MAX: variants seen among roughly 807,000 people sequenced by gnomAD.
The protein encoded by MAX is protein max.
In MAX, 3 loss-of-function variants were observed where a neutral mutation model predicts 22.3. The observed-to-expected ratio is 0.13, with a 90% CI of 0.06 to 0.35. The LOEUF (loss-of-function observed/expected upper bound fraction) is 0.35, where lower values mean the gene tolerates loss of function less well. Among genes scored for constraint, MAX ranks in the 10% least tolerant of loss-of-function variants. The pLI, the probability that MAX is intolerant of heterozygous loss-of-function variation, is 1.00. For missense variants in MAX, 119 were observed against 209.4 expected (o/e 0.57, Z 2.66); for synonymous variants, 72 against 77.7 (o/e 0.93, Z 0.39).
chr14:65,091,241 T>C (rs2063500556), intron 3 of MAX, among the ~76,000 whole-genome samples: 1 of 152,226 alleles, frequency 6.6e-6, no homozygotes, highest in Non-Finnish European at 1.5e-5. Flanking sequence ...TAGTGAGAAC[T>C]GATAAGTCTA....
chr14:65,043,728 A>G (rs937572943), intron 3 of MAX, among the ~76,000 whole-genome samples: 2 of 146,750 alleles, frequency 1.4e-5, no homozygotes, highest in African/African-American at 5.0e-5. Context: ...AGGCTGAGGC[A>G]GGAGAATGGC....
exon 4 of MAX, chr14:65,006,280 G>A: frequency 6.2e-7 from 1 of 1,609,052 alleles, no homozygotes; most frequent in Non-Finnish European, 8.5e-7. Flanking sequence ...CTTCATCTTT[G>A]TTCCCTGGGG....
chr14:65,019,200 T>C (rs2061841309), intron 3 of MAX, among the ~76,000 whole-genome samples: 1 of 151,274 alleles, frequency 6.6e-6, no homozygotes. Flanking sequence ...AAAGAAGAAC[T>C]TTCTGGCTGG....
At chr14:65,065,096 T>C (rs774415298) in intron 3 of MAX, among the ~76,000 whole-genome samples, 5 of 151,654 alleles carry the variant, frequency 3.3e-5, no homozygotes, top group Non-Finnish European at 5.9e-5. Flanking sequence ...GCATGTGACC[T>C]AAAATAGTCT....
chr14:65,068,694 C>T (rs952086870), intron 3 of MAX, among the ~76,000 whole-genome samples: 1 of 152,136 alleles, frequency 6.6e-6, no homozygotes, highest in Non-Finnish European at 1.5e-5. Flanking sequence ...CCCACACTTT[C>T]TTACTTTCAA....
intron 3 of MAX, among the ~76,000 whole-genome samples, chr14:65,085,798 A>G (rs2063317098): frequency 6.6e-6 from 1 of 152,182 alleles, no homozygotes; most frequent in Admixed American, 6.5e-5. Flanking sequence ...TGGAACCCCC[A>G]AGTCACCTGG....
At position 65,076,163 on chromosome 14, in the gene MAX, G is replaced by C; in HGVS notation, c.*313C>G. 4 of 1,370,590 alleles carry C rather than the reference G, an allele frequency of 2.9e-6. No individual in the cohort carries two copies. Among genetic ancestry groups the C allele is most frequent in the Non-Finnish European group, 3.8e-6 (4 of 1,062,300 alleles). 84.9% of individuals were successfully genotyped at this position (1,370,590 alleles called of 1,614,324 possible). A position where few individuals can be genotyped will look rare whatever the true frequency, so the allele number is the denominator to read the frequency against. ...TGGTAGGGTGGGCAGGACACTATGT[G>C]CTCAGAGGTCCGGCCGGCCGTCTGT... On this transcript the variant is annotated 3_prime_UTR_variant, in exon 5 of 5. Coordinates refer to ENST00000358664, the MANE Select transcript of MAX (RefSeq NM_002382.5). This position sits in a 1 kb window ranked among gnomAD's most constrained non-coding sequence, Gnocchi z 6.6.
intron 2 of MAX, 48 bp downstream of exon 2, chr14:65,101,498 A>C: frequency 6.5e-7 from 1 of 1,539,098 alleles, no homozygotes; most frequent in Non-Finnish European, 9.0e-7. Context: ...CCCAAAAAGG[A>C]ATAGAACTGA....
rs530195656 is a variant in MAX, at chr14:65,075,809, G to A, written c.*667C>T. The A allele has an allele frequency of 5.6e-6, 6 of 1,066,704 alleles. No homozygotes were observed. The East Asian group carries it at 1.5e-4, about 26-fold the overall frequency. The allele number at this position is 1,066,704 out of a possible 1,614,324, so 66.1% of individuals were successfully genotyped here. ...TCACACGGCCCTCCGTGAGGCTGGCGCCGCAGGCTTAAACAGCTGGCTGAG... is the reference window on the plus strand; with the variant it reads ...TCACACGGCCCTCCGTGAGGCTGGCACCGCAGGCTTAAACAGCTGGCTGAG... On this transcript the variant is annotated 3_prime_UTR_variant, in exon 5 of 5. Coordinates refer to ENST00000358664, the MANE Select transcript of MAX (RefSeq NM_002382.5). This position sits in a 1 kb window ranked among gnomAD's most constrained non-coding sequence, Gnocchi z 4.1.
chr14:65,039,593 C>T (rs900281882), intron 3 of MAX, among the ~76,000 whole-genome samples: 5 of 152,140 alleles, frequency 3.3e-5, no homozygotes, highest in Non-Finnish European at 5.9e-5. Context: ...GCCCCTCTCC[C>T]ATCCCTATCC....
chr14:65,083,711 T>C (rs1412059851), intron 3 of MAX: 1 of 1,048,078 alleles, frequency 9.5e-7, no homozygotes, highest in African/African-American at 1.7e-5. Flanking sequence ...AAATGCCATA[T>C]CTGGAGGGAT....
intron 2 of MAX, among the ~76,000 whole-genome samples, chr14:65,097,573 C>T (rs2063707505): frequency 6.6e-6 from 1 of 152,076 alleles, no homozygotes; most frequent in African/African-American, 2.4e-5. Context: ...AATTAGTTGC[C>T]CACTCAATAT....
chr14:65,053,150 A>ACTATT (rs2062651107), intron 3 of MAX: 4 of 1,052,138 alleles, frequency 3.8e-6, no homozygotes, highest in Admixed American at 8.4e-5. Context: ...GGAAACCTTG[A>ACTATT]CTATTCCCCC....
chr14:65,054,735 G>A lies in MAX; in HGVS notation c.171+38973C>T, dbSNP rs183722972. The A allele has an allele frequency of 3.7e-4, 568 of 1,552,888 alleles. No homozygotes were observed. The highest frequency in any genetic ancestry group is 4.4e-4 in the Non-Finnish European group (502 of 1,144,180). On this transcript the variant is annotated intron_variant, in intron 3 of 3. Coordinates refer to the MAX transcript ENST00000341653. This position sits in a 1 kb window ranked among gnomAD's most constrained non-coding sequence, Gnocchi z 4.4. ...CACACCCCTTCTCCACAGGGACCTCGCGGACAGAAGGCTTTCCAAGTAAGC... is the reference window on the plus strand; with the variant it reads ...CACACCCCTTCTCCACAGGGACCTCACGGACAGAAGGCTTTCCAAGTAAGC...
intron 3 of MAX, chr14:65,061,454 C>A: frequency 1.5e-6 from 2 of 1,356,006 alleles, no homozygotes; most frequent in Non-Finnish European, 1.9e-6. Context: ...TCTTGTCAAA[C>A]AAAACCAATG....
At position 65,062,193 on chromosome 14, in the gene MAX, C is replaced by T. The variant is rs1226096438; in HGVS notation, c.171+31515G>A. The T allele has an allele frequency of 2.0e-5, 3 of 152,434 alleles. No individual in the cohort carries two copies. The highest frequency in any genetic ancestry group is 2.0e-4 in the Admixed American group (3 of 15,292). The allele number at this position is 152,434 out of a possible 1,614,324, so 9.4% of individuals were successfully genotyped here. A position where few individuals can be genotyped will look rare whatever the true frequency, so the allele number is the denominator to read the frequency against. ...TATCTTTCTTCCACCAGACTCCAAG[C>T]CCACTCTCCTCCAAGACTGTGTTGT... is the stretch of plus-strand genomic sequence containing the variant. On this transcript the variant is annotated intron_variant, in intron 3 of 3. Coordinates refer to the MAX transcript ENST00000341653. The surrounding 1 kb of genome is among the most constrained non-coding windows in gnomAD (Gnocchi z 4.3).
intron 3 of MAX, among the ~76,000 whole-genome samples, chr14:65,083,040 G>A (rs2063238576): frequency 6.6e-6 from 1 of 152,206 alleles, no homozygotes; most frequent in Non-Finnish European, 1.5e-5. Flanking sequence ...AAGGATAAAA[G>A]CAAAATGAAT....
At chr14:65,035,122 A>G (rs1221422662) in intron 3 of MAX, among the ~76,000 whole-genome samples, 2 of 152,160 alleles carry the variant, frequency 1.3e-5, no homozygotes, top group Admixed American at 1.3e-4. Flanking sequence ...ATTCGTCCTC[A>G]GTTTCTGGCA....
chr14:65,048,837 C>T (rs901856981), intron 3 of MAX, among the ~76,000 whole-genome samples: 1 of 151,836 alleles, frequency 6.6e-6, no homozygotes, highest in African/African-American at 2.4e-5. Context: ...AGCGACAGAG[C>T]AAGACTTTGT....
Sources: allele counts gnomAD v4.1 joint callset (sites outside exome capture counted in the v4.1 genomes callset), GRCh38; gene constraint gnomAD v4.1.1; non-coding constraint Gnocchi (gnomAD v3.1); transcripts MANE v1.5; gene names NCBI Gene and HGNC (gene_info 2026-07-23, HGNC 2026-07-21).